ELANE: variants seen among roughly 807,000 people sequenced by gnomAD.
The protein encoded by ELANE is neutrophil elastase.
ELANE carries 12 observed loss-of-function variants against 20.6 expected under a neutral mutation model. The observed-to-expected ratio is 0.58, with a 90% CI of 0.37 to 0.94. The LOEUF (loss-of-function observed/expected upper bound fraction) is 0.94. Ranked by LOEUF, ELANE falls within the 40% of genes least tolerant of loss-of-function variation. The pLI is 0.01. For synonymous variants in ELANE, 203 were observed against 177.4 expected (o/e 1.14, Z -1.15); for missense variants, 388 against 395.2 (o/e 0.98, Z 0.15).
chr19:855,692 C>A lies in ELANE; in HGVS notation c.495C>A (p.Ile165=). Residue 165 remains isoleucine (I), a synonymous_variant, in exon 4 of 5, where the codon ATC becomes ATA. Transcript: ENST00000263621. This position sits in a 1 kb window ranked among gnomAD's most constrained non-coding sequence, Gnocchi z 6.2. The part of the protein sequence containing the change: ...GWGLLGRNRG[I]ASVLQELNVT... Reference sequence around the variant, plus strand: ...GCCTTCTGGGCAGGAACCGTGGGATCGCCAGCGTCCTGCAGGAGCTCAACG... The same window carrying A: ...GCCTTCTGGGCAGGAACCGTGGGATAGCCAGCGTCCTGCAGGAGCTCAACG... 6.2e-7 allele frequency: 1 copy of A among 1,609,570 alleles called. No homozygotes were observed. The highest frequency in any genetic ancestry group is 1.7e-4 in the Middle Eastern group (1 of 5,974).
chr19:852,904 G>T lies in ELANE; in HGVS notation c.96G>T (p.Gly32=). Residue 32 remains glycine (G), a synonymous_variant, in exon 2 of 5, where the codon GGG becomes GGT. Coordinates refer to ENST00000263621, the MANE Select transcript of ELANE (RefSeq NM_001972.4). ...CCGCGCTGGCCTCGGAGATTGTGGG[G>T]GGCCGGCGAGCGCGGCCCCACGCGT... The part of the protein sequence containing the change: ...GGTALASEIV[G]GRRARPHAWP... 1.3e-6 allele frequency: 2 copies of T among 1,596,682 alleles called. No homozygotes were observed. Among genetic ancestry groups the T allele is most frequent in the Non-Finnish European group, 1.7e-6 (2 of 1,177,388 alleles).
chr19:852,513 G>C (rs2035609526), intron 1 of ELANE, 118 bp downstream of exon 1: 3 of 1,279,480 alleles, frequency 2.3e-6, no homozygotes, highest in Non-Finnish European at 3.2e-6. Flanking sequence ...TGCCAGCTGG[G>C]ACAAGGAGAC....
Position 856,031 on chromosome 19 carries a change from C to A in ELANE, c.671C>A (p.Ala224Asp). The A allele has an allele frequency of 6.2e-7, 1 of 1,613,592 alleles. No individual in the cohort carries two copies. The highest frequency in any genetic ancestry group is 8.5e-7 in the Non-Finnish European group (1 of 1,180,052). ...GIASFVRGGC[A>D]SGLYPDAFAP... ...GCCTCCTTCGTCCGGGGAGGCTGCG[C>A]CTCAGGGCTCTACCCCGATGCCTTT... The change falls in exon 5 of 5, where the codon GCC becomes GAC. Residue 224 changes from alanine (A) to aspartate (D), a missense_variant. Physicochemically the swap from Ala to Asp is moderately radical, Grantham distance 126 (BLOSUM62 -2). Coordinates refer to ENST00000263621, the MANE Select transcript of ELANE (RefSeq NM_001972.4).
intron 3 of ELANE, 76 bp downstream of exon 3, chr19:853,479 C>G: frequency 5.3e-6 from 8 of 1,507,054 alleles, no homozygotes; most frequent in Non-Finnish European, 7.2e-6. Flanking sequence ...GACGGAGGGG[C>G]GCGTCGGGGC....
chr19:853,552 C>A, intron 3 of ELANE, 149 bp downstream of exon 3: 2 of 955,478 alleles, frequency 2.1e-6, no homozygotes, highest in Admixed American at 2.6e-5. Flanking sequence ...CCTCGGTCTG[C>A]ACCTCTGTGA....
chr19:854,737 T>TA (rs1280935614), intron 3 of ELANE, among the ~76,000 whole-genome samples: 1 of 146,366 alleles, frequency 6.8e-6, no homozygotes, highest in Non-Finnish European at 1.5e-5. Context: ...ATAATTATAA[T>TA]AATATTTATA....
chr19:854,682 T>G lies in ELANE; in HGVS notation c.367-882T>G, dbSNP rs2035647517. Among the ~76,000 whole-genome samples the G allele has an allele frequency of 2.7e-5, 4 of 146,216 alleles. No homozygotes were observed. The Admixed American group carries it at 2.8e-4, about 10-fold the overall frequency. ...ACATACATATATTATAAATAATAAA[T>G]ATATATTTTATTTAAATAAAATATA... On this transcript the variant is annotated intron_variant, in intron 3 of 4. Transcript: ENST00000263621.
intron 2 of ELANE, 82 bp from the exon 3 acceptor site, chr19:853,180 G>C (rs1468494642): frequency 2.7e-6 from 4 of 1,499,434 alleles, no homozygotes; most frequent in Non-Finnish European, 3.6e-6. Context: ...CCTCAGGCCC[G>C]TCGCCGGATG....
At position 855,828 on chromosome 19, in the gene ELANE, C is replaced by T. The variant is rs200731979; in HGVS notation, c.597+34C>T. ...CCTGGGTGTCCCTCTGCTCCCCACC[C>T]GCTCCCAGCCCGGACTGCAGCAACA... is the stretch of plus-strand genomic sequence containing the variant. On this transcript the variant is annotated intron_variant, in intron 4 of 4. Coordinates refer to ENST00000263621, the MANE Select transcript of ELANE (RefSeq NM_001972.4). This position sits in a 1 kb window ranked among gnomAD's most constrained non-coding sequence, Gnocchi z 6.2. 14 of 1,606,056 alleles carry T rather than the reference C, an allele frequency of 8.7e-6. No homozygotes were observed. The African/African-American group carries it at 9.4e-5, about 11-fold the overall frequency.
intron 3 of ELANE, 83 bp downstream of exon 3, chr19:853,486 G>A: frequency 6.7e-7 from 1 of 1,499,880 alleles, no homozygotes; most frequent in Non-Finnish European, 9.0e-7. Flanking sequence ...GGGCGCGTCG[G>A]GGCCGCTCGT....
intron 2 of ELANE, 60 bp from the exon 3 acceptor site, chr19:853,202 G>T: frequency 6.5e-7 from 1 of 1,528,732 alleles, no homozygotes; most frequent in South Asian, 1.2e-5. Flanking sequence ...GGACGACAAG[G>T]CGCGGCTGAG....
At chr19:852,760 G>C in intron 1 of ELANE, 116 bp from the exon 2 acceptor site, 5 of 1,420,168 alleles carry the variant, frequency 3.5e-6, no homozygotes, top group South Asian at 2.8e-5. Flanking sequence ...GGGGGATCCC[G>C]TGGGTTCCCG....
Position 852,911 on chromosome 19 carries a change from C to G in ELANE, c.103C>G (p.Arg35Gly). The change falls in exon 2 of 5, where the codon CGA becomes GGA. Residue 35 changes from arginine (R) to glycine (G), a missense_variant. By Grantham distance (125) the Arg-to-Gly change is moderately radical. Transcript: ENST00000263621. ...GGCCTCGGAGATTGTGGGGGGCCGGCGAGCGCGGCCCCACGCGTGGCCCTT... is the reference window on the plus strand; with the variant it reads ...GGCCTCGGAGATTGTGGGGGGCCGGGGAGCGCGGCCCCACGCGTGGCCCTT... ...ALASEIVGGR[R>G]ARPHAWPFMV... The G allele has an allele frequency of 6.3e-7, 1 of 1,596,398 alleles. No homozygotes were observed. Among genetic ancestry groups the G allele is most frequent in the Non-Finnish European group, 8.5e-7 (1 of 1,177,216 alleles).
At chr19:853,093 TG>T in intron 2 of ELANE, 61 bp downstream of exon 2, 3 of 813,684 alleles carry the variant, frequency 3.7e-6, no homozygotes, top group Non-Finnish European at 5.2e-6. Context: ...GTGAGGTGGG[TG>T]GGGGGAGGCC....
rs200752339 is a variant in ELANE, at chr19:855,556, C to G, written c.367-8C>G. 6.3e-7 allele frequency: 1 copy of G among 1,598,590 alleles called. No individual in the cohort carries two copies. Among genetic ancestry groups the G allele is most frequent in the Admixed American group, 1.7e-5 (1 of 59,972 alleles). ...TGACGCGCTGACGATCTGTCCCCAC[C>G]GCCACAGCTCAACGGGTCGGCCACC... On this transcript the variant is annotated splice_polypyrimidine_tract_variant and splice_region_variant and intron_variant, in intron 3 of 4. Coordinates refer to ENST00000263621, the MANE Select transcript of ELANE (RefSeq NM_001972.4). The surrounding 1 kb of genome is among the most constrained non-coding windows in gnomAD (Gnocchi z 6.2).
chr19:852,486 C>A (rs774256614), intron 1 of ELANE, 91 bp downstream of exon 1: 2 of 1,492,492 alleles, frequency 1.3e-6, no homozygotes, highest in South Asian at 1.2e-5. Context: ...GTGGGTCCCT[C>A]ATCCTCACAG....
Position 853,325 on chromosome 19 carries a change from G to T in ELANE, c.288G>T (p.Arg96=). 6.2e-7 allele frequency: 1 copy of T among 1,610,874 alleles called. No homozygotes were observed. The highest frequency in any genetic ancestry group is 8.5e-7 in the Non-Finnish European group (1 of 1,179,000). ...ACCTCTCGCGGCGGGAGCCCACCCG[G>T]CAGGTGTTCGCCGTGCAGCGCATCT... ...AHNLSRREPT[R]QVFAVQRIFE... Residue 96 remains arginine (R), a synonymous_variant, in exon 3 of 5, where the codon CGG becomes CGT. Transcript: ENST00000263621.
chr19:856,239 T>G lies in ELANE; in HGVS notation c.*75T>G. 1.3e-6 allele frequency: 2 copies of G among 1,573,686 alleles called. No individual in the cohort carries two copies. Among genetic ancestry groups the G allele is most frequent in the South Asian group, 2.2e-5 (2 of 90,352 alleles). ...TCTGGCACAATAAACATTCTCTGTTTTGTAGAATGTGTTTGATGCTCCTTG... is the reference window on the plus strand; with the variant it reads ...TCTGGCACAATAAACATTCTCTGTTGTGTAGAATGTGTTTGATGCTCCTTG... On this transcript the variant is annotated 3_prime_UTR_variant, in exon 5 of 5. Coordinates refer to ENST00000263621, the MANE Select transcript of ELANE (RefSeq NM_001972.4).
chr19:855,732 T>A lies in ELANE; in HGVS notation c.535T>A (p.Ser179Thr). 1 of 1,609,658 alleles carries A rather than the reference T, an allele frequency of 6.2e-7. No individual in the cohort carries two copies. The highest frequency in any genetic ancestry group is 8.5e-7 in the Non-Finnish European group (1 of 1,179,920). Residue 179 changes from serine (S) to threonine (T), a missense_variant, in exon 4 of 5, where the codon TCC (serine) becomes ACC (threonine). Coordinates refer to ENST00000263621, the MANE Select transcript of ELANE (RefSeq NM_001972.4). This position sits in a 1 kb window ranked among gnomAD's most constrained non-coding sequence, Gnocchi z 6.2. ...GGAGCTCAACGTGACGGTGGTGACGTCCCTCTGCCGTCGCAGCAACGTCTG... is the reference window on the plus strand; with the variant it reads ...GGAGCTCAACGTGACGGTGGTGACGACCCTCTGCCGTCGCAGCAACGTCTG... ...LQELNVTVVT[S>T]LCRRSNVCTL...
Sources: allele counts gnomAD v4.1 joint callset (sites outside exome capture counted in the v4.1 genomes callset), GRCh38; gene constraint gnomAD v4.1.1; non-coding constraint Gnocchi (gnomAD v3.1); transcripts MANE v1.5; gene names NCBI Gene and HGNC (gene_info 2026-07-23, HGNC 2026-07-21).